GFRA2: variants seen among roughly 807,000 people sequenced by gnomAD.
The protein encoded by GFRA2 is GDNF family receptor alpha 2.
Under a neutral mutation model 48.3 loss-of-function variants are expected in GFRA2, and 17 were observed. That is an observed-to-expected ratio of 0.35 (90% CI 0.24 to 0.53). The LOEUF (loss-of-function observed/expected upper bound fraction) is 0.53, where lower values mean the gene tolerates loss of function less well. GFRA2 is among the 20% of genes least tolerant of loss of function. GFRA2 has a pLI of 0.93. For missense variants in GFRA2, 660 were observed against 637.3 expected (o/e 1.04, Z -0.38); for synonymous variants, 305 against 257.2 (o/e 1.19, Z -1.78).
chr8:21,738,653 C>T (rs562453315), intron 4 of GFRA2, among the ~76,000 whole-genome samples: 12 of 152,108 alleles, frequency 7.9e-5, no homozygotes, highest in Non-Finnish European at 1.8e-4. Flanking sequence ...TAGTTTTACA[C>T]GCATGTGCCC....
At chr8:21,736,526 T>C (rs1351521976) in intron 4 of GFRA2, among the ~76,000 whole-genome samples, 2 of 152,110 alleles carry the variant, frequency 1.3e-5, no homozygotes, top group African/African-American at 2.4e-5. Context: ...AGACAGGGTC[T>C]CACTCTGTTG....
rs1304459643 is a variant in GFRA2 at position 21,750,086 on chromosome 8, T to TAC, written c.794+501_794+502insGT. 3.7e-5 allele frequency among the ~76,000 whole-genome samples: 4 copies of TAC among 109,094 alleles called. No individual in the cohort carries two copies. The highest frequency in any genetic ancestry group is 1.7e-4 in the African/African-American group (4 of 23,224). The allele number at this position is 109,094 out of a possible 152,430, so 71.6% of individuals were successfully genotyped here. ...ATGTGTATATATGTGTGTGTGTGTG[T>TAC]ATACACACACACACACACACACACG... On this transcript the variant is annotated intron_variant, in intron 4 of 8. Coordinates refer to ENST00000524240, the MANE Select transcript of GFRA2 (RefSeq NM_001495.5). This position sits in a 1 kb window ranked among gnomAD's most constrained non-coding sequence, Gnocchi z 5.7.
intron 1 of GFRA2, chr8:21,783,140 G>T: frequency 1.5e-6 from 1 of 673,242 alleles, no homozygotes; most frequent in Admixed American, 2.0e-5. Flanking sequence ...AGCGGCCCTG[G>T]GCCTAGGAGC....
intron 3 of GFRA2, among the ~76,000 whole-genome samples, chr8:21,760,008 C>A (rs1805821172): frequency 6.6e-6 from 1 of 150,644 alleles, no homozygotes; most frequent in African/African-American, 2.4e-5. Flanking sequence ...CACACAAAAA[C>A]AAAAACAAGG....
intron 3 of GFRA2, among the ~76,000 whole-genome samples, chr8:21,752,493 G>T (rs1164451230): frequency 6.6e-6 from 1 of 151,964 alleles, no homozygotes; most frequent in African/African-American, 2.4e-5. Flanking sequence ...CTGCTTTGCT[G>T]GTCCCGTCTT....
chr8:21,769,252 A>T (rs1315884747), intron 3 of GFRA2: 2 of 605,842 alleles, frequency 3.3e-6, no homozygotes, highest in African/African-American at 1.2e-4. Flanking sequence ...GCCCCGCCCC[A>T]GCCCCGCCCC....
At chr8:21,746,971 A>G (rs1435206029) in intron 4 of GFRA2, among the ~76,000 whole-genome samples, 1 of 152,066 alleles carries the variant, frequency 6.6e-6, no homozygotes, top group African/African-American at 2.4e-5. Flanking sequence ...AGCAATACTA[A>G]TAAAATGGGT....
At chr8:21,709,008 AT>A (rs1343427548) in intron 4 of GFRA2, among the ~76,000 whole-genome samples, 1 of 152,226 alleles carries the variant, frequency 6.6e-6, no homozygotes, top group Non-Finnish European at 1.5e-5. Context: ...CTAAGGGGAT[AT>A]GATCAGGTCC....
chr8:21,727,076 C>G (rs1803906906), intron 4 of GFRA2, among the ~76,000 whole-genome samples: 1 of 152,154 alleles, frequency 6.6e-6, no homozygotes, highest in Non-Finnish European at 1.5e-5. Flanking sequence ...CAAACAAAGG[C>G]CACATTCTGA....
At chr8:21,806,082 C>G (rs1807860123) in intron 1 of GFRA2, among the ~76,000 whole-genome samples, 1 of 152,200 alleles carries the variant, frequency 6.6e-6, no homozygotes, top group Non-Finnish European at 1.5e-5. Flanking sequence ...CAGCCCAGCT[C>G]TTCATCTACC....
At chr8:21,739,165 C>G (rs1804629662) in intron 4 of GFRA2, among the ~76,000 whole-genome samples, 1 of 152,156 alleles carries the variant, frequency 6.6e-6, no homozygotes, top group Admixed American at 6.5e-5. Context: ...GGACAGTGAT[C>G]TCCAAATTTC....
chr8:21,793,792 T>C (rs890906062), upstream of GFRA2, among the ~76,000 whole-genome samples: 9 of 151,900 alleles, frequency 5.9e-5, no homozygotes, highest in Admixed American at 3.9e-4. Flanking sequence ...CATATTCCCC[T>C]TCACAACACC....
chr8:21,716,188 T>C (rs1187037709), intron 4 of GFRA2, among the ~76,000 whole-genome samples: 1 of 151,630 alleles, frequency 6.6e-6, no homozygotes, highest in Non-Finnish European at 1.5e-5. Context: ...CCAGGCATGC[T>C]AGCACACACC....
intron 3 of GFRA2, among the ~76,000 whole-genome samples, chr8:21,768,591 G>C (rs531551878): frequency 3.6e-3 from 549 of 152,294 alleles, no homozygotes; most frequent in South Asian, 5.6e-3. Context: ...GGGGTGCACA[G>C]AGGGAGCCGA....
At chr8:21,775,607 C>T (rs1385296441) in intron 2 of GFRA2, among the ~76,000 whole-genome samples, 4 of 152,178 alleles carry the variant, frequency 2.6e-5, no homozygotes, top group African/African-American at 4.8e-5. Context: ...ACGCCAGCTC[C>T]GCCCAGGTCA....
chr8:21,792,943 T>C (rs1349399608), upstream of GFRA2, among the ~76,000 whole-genome samples: 1 of 152,170 alleles, frequency 6.6e-6, no homozygotes, highest in Non-Finnish European at 1.5e-5. Flanking sequence ...GGCGCACACC[T>C]GTAGTCCCAG....
At chr8:21,770,659 GGA>G (rs1806394880) in intron 3 of GFRA2, among the ~76,000 whole-genome samples, 1 of 152,162 alleles carries the variant, frequency 6.6e-6, no homozygotes, top group African/African-American at 2.4e-5. Context: ...CCCTCACCCA[GGA>G]TGCAGACACA....
intron 4 of GFRA2, among the ~76,000 whole-genome samples, chr8:21,709,193 C>T (rs548356848): frequency 1.3e-5 from 2 of 152,334 alleles, no homozygotes; most frequent in South Asian, 2.1e-4. Flanking sequence ...TCCATTCTAA[C>T]GCCAGGCCGT....
At chr8:21,795,268 G>C (rs900742467) in intron 2 of GFRA2, among the ~76,000 whole-genome samples, 8 of 152,104 alleles carry the variant, frequency 5.3e-5, no homozygotes, top group South Asian at 2.1e-4. Context: ...CCACATCCAT[G>C]ATCTTGAAGT....
Sources: gnomAD v4.1 joint callset for allele counts (sites outside exome capture counted in the v4.1 genomes callset) on GRCh38, gnomAD v4.1.1 for gene constraint, Gnocchi (gnomAD v3.1) non-coding constraint, MANE v1.5 for transcripts, NCBI Gene and HGNC (gene_info 2026-07-23, HGNC 2026-07-21) for gene names.